The following KNTC1 variants were observed in gnomAD, a reference collection of about 807,000 sequenced individuals.
KNTC1 encodes kinetochore-associated protein 1.
Under a neutral mutation model 314.4 loss-of-function variants are expected in KNTC1, and 253 were observed. That is an observed-to-expected ratio of 0.80 (90% CI 0.73 to 0.89). The LOEUF is 0.89. KNTC1 is among the 40% of genes least tolerant of loss of function. KNTC1 has a pLI of 0.00. For synonymous variants in KNTC1, 901 were observed against 901.4 expected, an observed-to-expected ratio of 1.00 and a Z score of 0.01; for missense variants, 2,475 against 2,572.9, an observed-to-expected ratio of 0.96 and a Z score of 0.82.
chr12:122,578,541 G>T (rs1278852972), intron 31 of KNTC1, among the ~76,000 whole-genome samples: 2 of 152,036 alleles, frequency 1.3e-5, no homozygotes, highest in African/African-American at 4.8e-5. Flanking sequence ...TCCTGCCTCA[G>T]CTGGGAGTAG....
intron 32 of KNTC1, 77 bp downstream of exon 32, chr12:122,580,054 C>A (rs1965301810): frequency 3.2e-6 from 3 of 932,068 alleles, no homozygotes; most frequent in Admixed American, 2.1e-5. Context: ...TCGAAGACAA[C>A]TCTCACCGTA....
intron 6 of KNTC1, 54 bp downstream of exon 6, chr12:122,542,181 T>C (rs1962394273): frequency 8.2e-7 from 1 of 1,216,298 alleles, no homozygotes; most frequent in South Asian, 1.5e-5. Context: ...TTACTAGTTT[T>C]ATTAATGTAA....
At chr12:122,589,820 C>T (rs1051995985) in intron 40 of KNTC1, among the ~76,000 whole-genome samples, 1 of 138,456 alleles carries the variant, frequency 7.2e-6, no homozygotes, top group Non-Finnish European at 1.5e-5. Flanking sequence ...GTCTCGCACT[C>T]TCATCCAGGC....
At chr12:122,531,596 T>C (rs1473734691) in intron 2 of KNTC1, among the ~76,000 whole-genome samples, 1 of 151,674 alleles carries the variant, frequency 6.6e-6, no homozygotes, top group Admixed American at 6.5e-5. Context: ...GTAGTACAAA[T>C]CTCATTGTAT....
At chr12:122,594,424 A>C (rs1870752092) in intron 43 of KNTC1, 39 bp downstream of exon 43, 1 of 1,117,464 alleles carries the variant, frequency 8.9e-7, no homozygotes, top group Non-Finnish European at 1.4e-6. Flanking sequence ...TGCTGTTAAC[A>C]AACTGGTAAT....
chr12:122,595,402 C>G (rs562553620), intron 43 of KNTC1, among the ~76,000 whole-genome samples: 3 of 152,300 alleles, frequency 2.0e-5, no homozygotes, highest in African/African-American at 4.8e-5. Context: ...TAGTATGTGA[C>G]CTGCTCAAGG....
intron 33 of KNTC1, among the ~76,000 whole-genome samples, chr12:122,581,099 T>C (rs997436997): frequency 6.6e-6 from 1 of 151,554 alleles, no homozygotes; most frequent in Admixed American, 6.6e-5. Flanking sequence ...TCTCTCTCTC[T>C]CTCTCTCAAC....
intron 40 of KNTC1, 139 bp from the exon 41 acceptor site, chr12:122,590,468 G>GT (rs548281507): frequency 0.012 from 8,471 of 722,688 alleles, 5 homozygotes; most frequent in South Asian, 0.02. Flanking sequence ...ACTGAATTCT[G>GT]TTTTTTTTTC....
intron 1 of KNTC1, among the ~76,000 whole-genome samples, chr12:122,529,769 A>G (rs1288543798): frequency 6.6e-6 from 1 of 152,238 alleles, no homozygotes; most frequent in Non-Finnish European, 1.5e-5. Flanking sequence ...TCTAAGATAC[A>G]TTGGTAAGAT....
intron 60 of KNTC1, among the ~76,000 whole-genome samples, chr12:122,621,158 G>A (rs564453864): frequency 2.8e-4 from 43 of 152,314 alleles, no homozygotes; most frequent in African/African-American, 9.6e-4. Context: ...GATTTTATGT[G>A]TGGGTGCCCA....
rs1869381545 is a variant in KNTC1, at chr12:122,586,768, C to A, written c.3730+11C>A. On this transcript the variant is annotated intron_variant, in intron 38 of 63. Coordinates refer to ENST00000333479, the MANE Select transcript of KNTC1 (RefSeq NM_014708.6). ...GCTCCCTTAATGAAGGTATTTGGCA[C>A]AAGAAATATATAGCATTCTATTAAT... is the stretch of plus-strand genomic sequence containing the variant. 1 of 1,251,324 alleles carries A rather than the reference C, an allele frequency of 8.0e-7. No homozygotes were observed. The allele number at this position is 1,251,324 out of a possible 1,614,324, so 77.5% of individuals were successfully genotyped here. A position where few individuals can be genotyped will look rare whatever the true frequency, so the allele number is the denominator to read the frequency against.
intron 39 of KNTC1, 134 bp downstream of exon 39, chr12:122,588,008 T>C (rs1869620341): frequency 2.8e-6 from 2 of 710,434 alleles, no homozygotes; most frequent in Non-Finnish European, 4.4e-6. Flanking sequence ...TTTAAGAACA[T>C]TTGTTGAGCA....
intron 43 of KNTC1, among the ~76,000 whole-genome samples, chr12:122,596,462 C>T (rs1289096441): frequency 1.3e-5 from 2 of 151,790 alleles, no homozygotes; most frequent in African/African-American, 4.8e-5. Flanking sequence ...CGTGATCCAC[C>T]TGCCTCGGCC....
Position 122,544,174 on chromosome 12 carries a change from A to G in KNTC1, c.574A>G (p.Lys192Glu). ...STAKKLQGQI[K>E]SSFISTENYH... ...AATTTTGCAGTTACAAGGACAAATCAAGTCCAGTTTTATTTCTACTGAAAA... is the reference window on the plus strand; with the variant it reads ...AATTTTGCAGTTACAAGGACAAATCGAGTCCAGTTTTATTTCTACTGAAAA... Residue 192 changes from lysine to glutamate, a missense_variant, in exon 8 of 64, where the codon AAG (lysine) becomes GAG (glutamate). Physicochemically the swap from Lys to Glu is moderately conservative, Grantham distance 56. Coordinates refer to ENST00000333479, the MANE Select transcript of KNTC1 (RefSeq NM_014708.6). 5.8e-6 allele frequency: 9 copies of G among 1,542,404 alleles called. No individual in the cohort carries two copies. Among genetic ancestry groups the G allele is most frequent in the Non-Finnish European group, 7.9e-6 (9 of 1,137,260 alleles).
At chr12:122,538,814 G>A (rs1962056900) in intron 4 of KNTC1, among the ~76,000 whole-genome samples, 1 of 152,214 alleles carries the variant, frequency 6.6e-6, no homozygotes, top group African/African-American at 2.4e-5. Flanking sequence ...TTGTAGGCAT[G>A]TAGAGGCAGG....
At chr12:122,550,541 T>C (rs1963126436) in intron 13 of KNTC1, among the ~76,000 whole-genome samples, 1 of 152,190 alleles carries the variant, frequency 6.6e-6, no homozygotes, top group African/African-American at 2.4e-5. Flanking sequence ...CTTGCTCTGT[T>C]GCCCAAGTTG....
chr12:122,531,382 A>C lies in KNTC1; in HGVS notation c.129+1190A>C, dbSNP rs577199199. Reference sequence around the variant, plus strand: ...CCACCATGCTACTAAAAATTTTCGTATTTTTAGTAGAGATGGGGTTGCCCA... The same window carrying C: ...CCACCATGCTACTAAAAATTTTCGTCTTTTTAGTAGAGATGGGGTTGCCCA... On this transcript the variant is annotated intron_variant, in intron 2 of 63. Transcript: ENST00000333479. 9.2e-5 allele frequency among the ~76,000 whole-genome samples: 14 copies of C among 151,980 alleles called. No homozygotes were observed. In the South Asian group the frequency reaches 2.7e-3, roughly 29 times the overall value.
chr12:122,540,148 C>A (rs1962180082), intron 5 of KNTC1, among the ~76,000 whole-genome samples: 1 of 150,720 alleles, frequency 6.6e-6, no homozygotes, highest in Non-Finnish European at 1.5e-5. Flanking sequence ...TATATAAAAT[C>A]ATTATTATGC....
Position 122,604,788 on chromosome 12 carries a change from G to A in KNTC1, c.5176-89G>A, listed in dbSNP as rs181904974. On this transcript the variant is annotated intron_variant, in intron 49 of 63. Coordinates refer to ENST00000333479, the MANE Select transcript of KNTC1 (RefSeq NM_014708.6). ...CTTAGGAACATAACTGAGGAAGGGG[G>A]GAGGGATTGTGATTGATAAAGATGG... 15 of 1,329,448 alleles carry A rather than the reference G, an allele frequency of 1.1e-5. 1 individual carries two copies. The South Asian group carries it at 1.6e-4, about 15-fold the overall frequency. 82.4% of individuals were successfully genotyped at this position (1,329,448 alleles called of 1,614,324 possible).
Sources: gnomAD v4.1 joint callset for allele counts (sites outside exome capture counted in the v4.1 genomes callset) on GRCh38, gnomAD v4.1.1 for gene constraint, MANE v1.5 for transcripts, NCBI Gene and HGNC (gene_info 2026-07-23, HGNC 2026-07-21) for gene names.